Variants in PIGN observed in about 807,000 individuals in gnomAD.
PIGN encodes phosphatidylinositol glycan anchor biosynthesis class N, also known as GPI ethanolamine phosphate transferase 1.
PIGN carries 117 observed loss-of-function variants against 125.4 expected under a neutral mutation model. That is an observed-to-expected ratio of 0.93 (90% confidence interval 0.80 to 1.09). The LOEUF (loss-of-function observed/expected upper bound fraction) is 1.09, where lower values mean the gene tolerates loss of function less well. PIGN is among the 50% of genes least tolerant of loss of function. PIGN has a pLI of 0.00. For synonymous variants in PIGN, 392 were observed against 377.8 expected (o/e 1.04, Z -0.44); for missense variants, 1,075 against 1,094.9 (o/e 0.98, Z 0.26).
At position 62,146,625 on chromosome 18, in the gene PIGN, G is replaced by C. The variant is rs139701666; in HGVS notation, c.805+346C>G. On this transcript the variant is annotated intron_variant, in intron 9 of 30. Coordinates refer to ENST00000640252, the MANE Select transcript of PIGN (RefSeq NM_176787.5). The stretch of plus-strand genomic sequence containing the variant: ...AGGGCGCACAGGCTTACCCGGGACA[G>C]AATTTCAGCAGCCCTCGGTCCCTCA... Among the ~76,000 whole-genome samples, 425 of 152,312 alleles carry C rather than the reference G, an allele frequency of 2.8e-3. 3 individuals carry two copies. The highest frequency in any genetic ancestry group is 9.7e-3 in the African/African-American group (405 of 41,570).
At chr18:62,148,051 G>A (rs7243994) in intron 8 of PIGN, among the ~76,000 whole-genome samples, 163 bp downstream of exon 8, 1 of 151,854 alleles carries the variant, frequency 6.6e-6, no homozygotes, top group Non-Finnish European at 1.5e-5. Flanking sequence ...TGATTTAAAC[G>A]ACTATATTGG....
chr18:62,165,369 A>G (rs1293025964), intron 1 of PIGN, among the ~76,000 whole-genome samples: 1 of 152,182 alleles, frequency 6.6e-6, no homozygotes, highest in Non-Finnish European at 1.5e-5. Flanking sequence ...AGTTTCAGGT[A>G]TTCTGTTATA....
chr18:62,052,867 T>C (rs2031428066), intron 30 of PIGN: 1 of 358,200 alleles, frequency 2.8e-6, no homozygotes, highest in Admixed American at 4.6e-5. Context: ...CATTTAGTGC[T>C]TCCTTCAGGA....
At chr18:62,149,266 A>C (rs964873006) in intron 7 of PIGN, among the ~76,000 whole-genome samples, 1 of 152,240 alleles carries the variant, frequency 6.6e-6, no homozygotes, top group African/African-American at 2.4e-5. Flanking sequence ...GAATAGAAAT[A>C]AATTAATACA....
Position 62,044,652 on chromosome 18 carries a change from C to T in PIGN, c.*1204G>A, listed in dbSNP as rs2030533527. The T allele has an allele frequency of 6.6e-6, 1 of 152,192 alleles. No individual in the cohort carries two copies. Among genetic ancestry groups the T allele is most frequent in the Non-Finnish European group, 1.5e-5 (1 of 68,038 alleles). The allele number at this position is 152,192 out of a possible 1,614,324, so 9.4% of individuals were successfully genotyped here. A position where few individuals can be genotyped will look rare whatever the true frequency, so the allele number is the denominator to read the frequency against. ...TTAAATTGTATTTATTCACTCCCCA[C>T]CAATTTGAAAAATCTTGTAAATTAC... On this transcript the variant is annotated 3_prime_UTR_variant, in exon 31 of 31. Coordinates refer to ENST00000640252, the MANE Select transcript of PIGN (RefSeq NM_176787.5).
intron 1 of PIGN, among the ~76,000 whole-genome samples, chr18:62,167,428 T>G (rs2037186054): frequency 6.6e-6 from 1 of 150,656 alleles, no homozygotes; most frequent in African/African-American, 2.5e-5. Context: ...GGTCAGGAGT[T>G]CAAAACCAGC....
chr18:62,115,210 C>T (rs953061050), intron 14 of PIGN, among the ~76,000 whole-genome samples: 2 of 152,106 alleles, frequency 1.3e-5, no homozygotes, highest in South Asian at 4.1e-4. Context: ...CCACCATTTC[C>T]CTATCCTGTT....
chr18:62,058,478 T>C (rs192970267), intron 30 of PIGN, among the ~76,000 whole-genome samples: 15 of 152,342 alleles, frequency 9.8e-5, no homozygotes, highest in Admixed American at 9.8e-4. Context: ...CAAACGTGAA[T>C]GAATCTGGTT....
chr18:62,119,846 A>G (rs2035231831), intron 14 of PIGN, among the ~76,000 whole-genome samples: 1 of 150,500 alleles, frequency 6.6e-6, no homozygotes, highest in Non-Finnish European at 1.5e-5. Flanking sequence ...TCTGTCTCAA[A>G]AAAAAAAAAG....
Position 62,147,050 on chromosome 18 carries a change from C to T in PIGN, c.726G>A (p.Val242=), listed in dbSNP as rs927563794. ...KKVDDGVKEI[V]SMFNHFYGND... ...TTCCATAGAAGTGGTTAAACATAGA[C>T]ACGATTTCTTTAACTCCATCATCAA... Residue 242 remains valine, a synonymous_variant, in exon 9 of 31, where the codon GTG becomes GTA. Transcript: ENST00000640252. 1 of 1,609,664 alleles carries T rather than the reference C, an allele frequency of 6.2e-7. No homozygotes were observed. Among genetic ancestry groups the T allele is most frequent in the Non-Finnish European group, 8.5e-7 (1 of 1,176,622 alleles).
intron 17 of PIGN, among the ~76,000 whole-genome samples, chr18:62,109,099 G>A (rs1482326302): frequency 1.3e-5 from 2 of 152,138 alleles, no homozygotes; most frequent in Non-Finnish European, 2.9e-5. Flanking sequence ...CCATGACTAA[G>A]TTTAAATTAT....
At chr18:62,159,493 A>G (rs546920427) in intron 4 of PIGN, among the ~76,000 whole-genome samples, 5 of 152,340 alleles carry the variant, frequency 3.3e-5, no homozygotes, top group African/African-American at 9.6e-5. Context: ...GGCAACTAAG[A>G]AATTCACCCA....
intron 30 of PIGN, chr18:62,051,794 A>T (rs1314905643): frequency 3.3e-5 from 5 of 152,116 alleles, no homozygotes; most frequent in Admixed American, 1.3e-4. Context: ...TTGTGATGTT[A>T]AGGTGTCAAT....
chr18:62,146,794 A>C (rs1261873069), intron 9 of PIGN, among the ~76,000 whole-genome samples, 177 bp downstream of exon 9: 1 of 152,174 alleles, frequency 6.6e-6, no homozygotes, highest in South Asian at 2.1e-4. Context: ...TTAGTTAGAG[A>C]AAATATTTTT....
Position 62,043,851 on chromosome 18 carries a change from C to T in PIGN, c.*2005G>A, listed in dbSNP as rs1443623349. 1 of 152,056 alleles carries T rather than the reference C, an allele frequency of 6.6e-6. No homozygotes were observed. The highest frequency in any genetic ancestry group is 1.5e-5 in the Non-Finnish European group (1 of 68,016). 9.4% of individuals were successfully genotyped at this position (152,056 alleles called of 1,614,324 possible). ...TAAACATTGTTAATCAGCAAATGTC[C>T]TAAGTCTTGATTCAGAAATCTATGG... On this transcript the variant is annotated 3_prime_UTR_variant, in exon 31 of 31. Coordinates refer to ENST00000640252, the MANE Select transcript of PIGN (RefSeq NM_176787.5).
intron 15 of PIGN, among the ~76,000 whole-genome samples, chr18:62,113,957 A>G (rs996016786): frequency 6.6e-6 from 1 of 152,234 alleles, no homozygotes; most frequent in Non-Finnish European, 1.5e-5. Flanking sequence ...GATAATTCCA[A>G]GTGGCAAACA....
chr18:62,120,361 G>A (rs184202832), intron 14 of PIGN, among the ~76,000 whole-genome samples: 3 of 152,106 alleles, frequency 2.0e-5, no homozygotes, highest in East Asian at 3.9e-4. Flanking sequence ...GAAAAGTTAA[G>A]GTAAAATAAT....
downstream of PIGN, among the ~76,000 whole-genome samples, chr18:62,037,233 T>G (rs914090213): frequency 1.3e-5 from 2 of 152,218 alleles, no homozygotes; most frequent in Non-Finnish European, 2.9e-5. Context: ...GTCTGGTGAT[T>G]AAAAGTTTTC....
At chr18:62,115,004 G>T (rs1407988809) in intron 14 of PIGN, among the ~76,000 whole-genome samples, 2 of 152,172 alleles carry the variant, frequency 1.3e-5, no homozygotes, top group African/African-American at 4.8e-5. Context: ...CTGTGCTCAT[G>T]GCAGACTTCA....
Sources: allele counts gnomAD v4.1 joint callset (sites outside exome capture counted in the v4.1 genomes callset), GRCh38; gene constraint gnomAD v4.1.1; transcripts MANE v1.5; gene names NCBI Gene and HGNC (gene_info 2026-07-23, HGNC 2026-07-21).